Variants in MACROD2 observed in about 807,000 individuals in gnomAD.
MACROD2 encodes the protein ADP-ribose glycohydrolase MACROD2.
In MACROD2, 36 loss-of-function variants were observed where a neutral mutation model predicts 70.4. The ratio of observed to expected loss-of-function variants is 0.51; its 90% CI spans 0.39 to 0.68. The LOEUF is 0.68. MACROD2 is among the 30% of genes least tolerant of loss of function. The probability of loss-of-function intolerance (pLI) is 0.00; values close to 1 mark genes in which losing one functional copy is unlikely to be tolerated. For missense variants in MACROD2, 496 were observed against 538.4 expected (o/e 0.92, Z 0.78); for synonymous variants, 172 against 178.8 (o/e 0.96, Z 0.30).
chr20:15,335,269 G>T (rs748243988), intron 6 of MACROD2, among the ~76,000 whole-genome samples: 7 of 151,844 alleles, frequency 4.6e-5, no homozygotes, highest in African/African-American at 7.3e-5. Context: ...TCTCTCATCA[G>T]AGAGGTTGAG....
chr20:15,759,969 A>G (rs1193183852), intron 8 of MACROD2, among the ~76,000 whole-genome samples: 4 of 152,236 alleles, frequency 2.6e-5, no homozygotes. Context: ...GTAAAGCTTC[A>G]GAAAAGTGCA....
At chr20:15,814,559 G>A (rs1201500731) in intron 8 of MACROD2, among the ~76,000 whole-genome samples, 1 of 152,082 alleles carries the variant, frequency 6.6e-6, no homozygotes, top group African/African-American at 2.4e-5. Context: ...TGCTCCCTGG[G>A]ATCACCTCCT....
chr20:14,969,398 A>G (rs1288425973), intron 5 of MACROD2, among the ~76,000 whole-genome samples: 6 of 144,228 alleles, frequency 4.2e-5, no homozygotes, highest in Non-Finnish European at 9.0e-5. Flanking sequence ...ACACACACAC[A>G]CACATATATA....
At chr20:14,986,814 A>G (rs1034107429) in intron 5 of MACROD2, among the ~76,000 whole-genome samples, 14 of 152,180 alleles carry the variant, frequency 9.2e-5, no homozygotes, top group African/African-American at 3.4e-4. Flanking sequence ...CCTCCTCAGA[A>G]TCTTAGGAGA....
chr20:14,417,066 C>T (rs200230379), intron 3 of MACROD2, among the ~76,000 whole-genome samples: 10 of 132,476 alleles, frequency 7.5e-5, no homozygotes, highest in Admixed American at 4.7e-4. Flanking sequence ...ATCTATCTAT[C>T]ATCTATCTAT....
intron 8 of MACROD2, among the ~76,000 whole-genome samples, chr20:15,592,186 C>G (rs1038094431): frequency 1.3e-5 from 2 of 152,172 alleles, no homozygotes; most frequent in Non-Finnish European, 2.9e-5. Flanking sequence ...AATAAGACCT[C>G]ATGGGGTAGC....
intron 3 of MACROD2, among the ~76,000 whole-genome samples, chr20:14,099,550 A>G (rs2054271287): frequency 6.6e-6 from 1 of 152,224 alleles, no homozygotes; most frequent in African/African-American, 2.4e-5. Flanking sequence ...TTGTATAAAT[A>G]TGTCACAACT....
At chr20:14,248,184 C>T (rs560964671) in intron 3 of MACROD2, among the ~76,000 whole-genome samples, 1 of 152,284 alleles carries the variant, frequency 6.6e-6, no homozygotes, top group South Asian at 2.1e-4. Context: ...GGAATAAGCT[C>T]ATGCCAAGCA....
At chr20:14,478,570 G>C (rs893322324) in intron 3 of MACROD2, among the ~76,000 whole-genome samples, 4 of 152,198 alleles carry the variant, frequency 2.6e-5, no homozygotes, top group African/African-American at 7.2e-5. Flanking sequence ...TCATGAATCT[G>C]TTGGTCTATC....
At chr20:14,855,748 A>G (rs1459160017) in intron 5 of MACROD2, among the ~76,000 whole-genome samples, 1 of 151,766 alleles carries the variant, frequency 6.6e-6, no homozygotes, top group Non-Finnish European at 1.5e-5. Flanking sequence ...GATAGCATGA[A>G]ACGAGACTAA....
chr20:14,804,830 T>G (rs966500780), intron 5 of MACROD2, among the ~76,000 whole-genome samples: 2 of 151,834 alleles, frequency 1.3e-5, no homozygotes, highest in African/African-American at 4.8e-5. Flanking sequence ...TGATAGAATG[T>G]AAGAGAAGAG....
intron 3 of MACROD2, among the ~76,000 whole-genome samples, chr20:14,092,911 G>A (rs1247306650): frequency 6.6e-6 from 1 of 152,194 alleles, no homozygotes; most frequent in Non-Finnish European, 1.5e-5. Flanking sequence ...TAAGCATTGA[G>A]ATTTTCCATT....
chr20:15,314,315 GCA>G (rs1052778165), intron 6 of MACROD2, among the ~76,000 whole-genome samples: 7 of 152,180 alleles, frequency 4.6e-5, no homozygotes, highest in African/African-American at 1.7e-4. Context: ...GAGCGGACAG[GCA>G]CAGTGGCTCA....
At chr20:15,431,013 A>G (rs1375811164) in intron 6 of MACROD2, among the ~76,000 whole-genome samples, 2 of 151,624 alleles carry the variant, frequency 1.3e-5, no homozygotes, top group Non-Finnish European at 2.9e-5. Context: ...CACATACGAC[A>G]GACACACATA....
At chr20:15,375,439 A>G (rs1377109565) in intron 6 of MACROD2, among the ~76,000 whole-genome samples, 1 of 152,160 alleles carries the variant, frequency 6.6e-6, no homozygotes, top group African/African-American at 2.4e-5. Flanking sequence ...GTAATTTGGT[A>G]TGGCAGCTTC....
intron 5 of MACROD2, among the ~76,000 whole-genome samples, chr20:14,743,207 A>G (rs1400744479): frequency 6.6e-6 from 1 of 152,194 alleles, no homozygotes; most frequent in Non-Finnish European, 1.5e-5. Flanking sequence ...TTCCAATAAC[A>G]TATTGTGGTA....
At chr20:15,521,637 C>T (rs2047654371) in intron 8 of MACROD2, among the ~76,000 whole-genome samples, 2 of 152,174 alleles carry the variant, frequency 1.3e-5, no homozygotes, top group African/African-American at 4.8e-5. Flanking sequence ...CAGTATGGCA[C>T]ACATTTACTT....
At chr20:15,823,167 A>C (rs1036953721) in intron 8 of MACROD2, among the ~76,000 whole-genome samples, 1 of 152,242 alleles carries the variant, frequency 6.6e-6, no homozygotes, top group African/African-American at 2.4e-5. Context: ...ACAAAGCAAA[A>C]GTGAACTATA....
chr20:15,211,312 T>C (rs1200770561), intron 5 of MACROD2, among the ~76,000 whole-genome samples: 1 of 152,228 alleles, frequency 6.6e-6, no homozygotes, highest in Non-Finnish European at 1.5e-5. Context: ...TTCCATTAGA[T>C]GGATATACAT....
Sources: allele counts gnomAD v4.1 joint callset (sites outside exome capture counted in the v4.1 genomes callset), GRCh38; gene constraint gnomAD v4.1.1; transcripts MANE v1.5; gene names NCBI Gene and HGNC (gene_info 2026-07-23, HGNC 2026-07-21).